The following ATXN7L1 variants were observed in gnomAD, a reference collection of about 807,000 sequenced individuals.
ATXN7L1 encodes the protein ataxin-7-like protein 1.
In ATXN7L1, 15 loss-of-function variants were observed where a neutral mutation model predicts 70.8. The observed-to-expected ratio is 0.21, with a 90% CI of 0.14 to 0.33. The LOEUF (loss-of-function observed/expected upper bound fraction) is 0.33, where lower values mean the gene tolerates loss of function less well. Among genes scored for constraint, ATXN7L1 ranks in the 10% least tolerant of loss-of-function variants. ATXN7L1 has a pLI of 1.00. For missense variants in ATXN7L1, 975 were observed against 1,097.1 expected, an observed-to-expected ratio of 0.89 and a Z score of 1.57; for synonymous variants, 440 against 445.1, an observed-to-expected ratio of 0.99 and a Z score of 0.14.
chr7:105,606,602 C>T lies in ATXN7L1; in HGVS notation c.*1250G>A, dbSNP rs1792774567. 1 of 152,152 alleles carries T rather than the reference C, an allele frequency of 6.6e-6. No homozygotes were observed. Among genetic ancestry groups the T allele is most frequent in the Non-Finnish European group, 1.5e-5 (1 of 68,040 alleles). 9.4% of individuals were successfully genotyped at this position (152,152 alleles called of 1,614,324 possible). On this transcript the variant is annotated 3_prime_UTR_variant, in exon 12 of 12. Transcript: ENST00000419735. ...TGGTATTGCTGTTTCTTTTAAAACTCCAGTGTGAATAGTTCTATGGCTGCA... is the reference window on the plus strand; with the variant it reads ...TGGTATTGCTGTTTCTTTTAAAACTTCAGTGTGAATAGTTCTATGGCTGCA...
intron 2 of ATXN7L1, among the ~76,000 whole-genome samples, chr7:105,863,338 C>G (rs554149501): frequency 6.6e-6 from 1 of 152,232 alleles, no homozygotes; most frequent in African/African-American, 2.4e-5. Flanking sequence ...TGGGGAGACC[C>G]AGGGCCCTAT....
chr7:105,757,892 T>TTTTGAAAGA (rs1293041979), intron 3 of ATXN7L1, among the ~76,000 whole-genome samples: 1 of 152,032 alleles, frequency 6.6e-6, no homozygotes, highest in Non-Finnish European at 1.5e-5. Flanking sequence ...GCCTGGCTCT[T>TTTTGAAAGA]TTTGAAAGAT....
intron 4 of ATXN7L1, among the ~76,000 whole-genome samples, chr7:105,650,532 G>A (rs1307888810): frequency 6.6e-6 from 1 of 152,192 alleles, no homozygotes; most frequent in Non-Finnish European, 1.5e-5. Flanking sequence ...CAGTAAACTG[G>A]GGAAATGTGG....
At chr7:105,717,720 T>C (rs1361970392) in intron 3 of ATXN7L1, among the ~76,000 whole-genome samples, 1 of 152,206 alleles carries the variant, frequency 6.6e-6, no homozygotes, top group African/African-American at 2.4e-5. Context: ...CACTGGGTAT[T>C]ACAGTAATTT....
At chr7:105,691,391 A>C (rs1474279167) in intron 3 of ATXN7L1, among the ~76,000 whole-genome samples, 2 of 152,172 alleles carry the variant, frequency 1.3e-5, no homozygotes, top group Non-Finnish European at 2.9e-5. Flanking sequence ...TCTGCTGCAC[A>C]TACACCGCCG....
rs990183793 is a variant in ATXN7L1 at position 105,624,131 on chromosome 7, C to T, written c.1339G>A (p.Asp447Asn). The T allele has an allele frequency of 1.4e-5, 22 of 1,526,374 alleles. No homozygotes were observed. The East Asian group carries it at 1.8e-4, about 12-fold the overall frequency. The allele number at this position is 1,526,374 out of a possible 1,614,324, so 94.6% of individuals were successfully genotyped here. A position where few individuals can be genotyped will look rare whatever the true frequency, so the allele number is the denominator to read the frequency against. Reference protein sequence around the residue: ...SSDEGEMDGADESEKLDCQFS... With the variant: ...SSDEGEMDGANESEKLDCQFS... ...TGACAGTCTAGCTTCTCGGATTCGT[C>T]GGCTCCGTCCATCTCCCCTTCATCA... Residue 447 changes from aspartate to asparagine, a missense_variant, in exon 8 of 12, where the codon GAC becomes AAC. Asp to Asn is a conservative substitution (Grantham distance 23, BLOSUM62 1). This residue lies in a region of ATXN7L1 where 635 missense variants were observed against 699.4 expected (regional missense o/e 0.91). Transcript: ENST00000419735.
chr7:105,817,312 C>T (rs564698041), intron 2 of ATXN7L1, among the ~76,000 whole-genome samples: 1 of 152,156 alleles, frequency 6.6e-6, no homozygotes, highest in South Asian at 2.1e-4. Context: ...TGGAAGCCTA[C>T]TGCTCAGTGT....
At chr7:105,685,084 A>G (rs1409749993) in intron 3 of ATXN7L1, among the ~76,000 whole-genome samples, 1 of 143,902 alleles carries the variant, frequency 6.9e-6, no homozygotes, top group African/African-American at 2.5e-5. Context: ...AATAATAATA[A>G]TAAATGGTTT....
At chr7:105,860,545 C>T (rs1816477334) in intron 2 of ATXN7L1, among the ~76,000 whole-genome samples, 1 of 152,086 alleles carries the variant, frequency 6.6e-6, no homozygotes. Flanking sequence ...ATCAAAAAAC[C>T]TCATAGGCCA....
At chr7:105,698,414 G>C (rs899841716) in intron 3 of ATXN7L1, among the ~76,000 whole-genome samples, 1 of 152,170 alleles carries the variant, frequency 6.6e-6, no homozygotes, top group Non-Finnish European at 1.5e-5. Context: ...ACCCAGGCTA[G>C]AGTGCTGTGG....
At chr7:105,839,575 G>C (rs1812901486) in intron 2 of ATXN7L1, among the ~76,000 whole-genome samples, 1 of 152,218 alleles carries the variant, frequency 6.6e-6, no homozygotes, top group African/African-American at 2.4e-5. Flanking sequence ...GATGAGATGA[G>C]TCTTCTCCCT....
intron 2 of ATXN7L1, among the ~76,000 whole-genome samples, chr7:105,827,778 T>G (rs1351728255): frequency 6.6e-6 from 1 of 152,190 alleles, no homozygotes; most frequent in Non-Finnish European, 1.5e-5. Flanking sequence ...GCTCTTGGGC[T>G]TAGTGGTTTT....
rs185088111 is a variant in ATXN7L1 at position 105,655,436 on chromosome 7, G to C, written c.578+9630C>G. On this transcript the variant is annotated intron_variant, in intron 4 of 11. Coordinates refer to ENST00000419735, the MANE Select transcript of ATXN7L1 (RefSeq NM_020725.2). ...GGCAGAACGGGCTCACATCACTCTG[G>C]GGGGGTGTGTGGGGTGGACAGGAGG... 4.3e-3 allele frequency among the ~76,000 whole-genome samples: 651 copies of C among 152,304 alleles called. 2 individuals carry two copies. Among genetic ancestry groups the C allele is most frequent in the Non-Finnish European group, 6.5e-3 (440 of 68,032 alleles).
At chr7:105,801,249 CT>C (rs1404615084) in intron 2 of ATXN7L1, among the ~76,000 whole-genome samples, 1 of 152,200 alleles carries the variant, frequency 6.6e-6, no homozygotes, top group Non-Finnish European at 1.5e-5. Flanking sequence ...AATAAAATCA[CT>C]GTTAAAAGTC....
At chr7:105,610,640 A>G in intron 10 of ATXN7L1, 37 bp from the exon 11 acceptor site, 1 of 1,534,310 alleles carries the variant, frequency 6.5e-7, no homozygotes, top group Non-Finnish European at 8.8e-7. Context: ...CAGACACACG[A>G]GCCAGCCTGG....
At chr7:105,876,215 T>C (rs1389338987) in intron 1 of ATXN7L1, among the ~76,000 whole-genome samples, 163 bp downstream of exon 1, 2 of 151,984 alleles carry the variant, frequency 1.3e-5, no homozygotes. Context: ...TCCCTGTGCA[T>C]TGATGATCTG....
chr7:105,826,184 T>C (rs180830671), intron 2 of ATXN7L1, among the ~76,000 whole-genome samples: 1 of 152,230 alleles, frequency 6.6e-6, no homozygotes, highest in Non-Finnish European at 1.5e-5. Flanking sequence ...AAGTTTTTAG[T>C]ACAACTTGGC....
At chr7:105,616,021 C>T (rs1030185346) in intron 9 of ATXN7L1, among the ~76,000 whole-genome samples, 3 of 152,242 alleles carry the variant, frequency 2.0e-5, no homozygotes, top group South Asian at 2.1e-4. Flanking sequence ...CAGGAAAGCA[C>T]ATGGCCCTCG....
At chr7:105,647,616 C>T (rs1201943475) in intron 4 of ATXN7L1, among the ~76,000 whole-genome samples, 3 of 152,234 alleles carry the variant, frequency 2.0e-5, no homozygotes, top group African/African-American at 7.2e-5. Flanking sequence ...CATTGCACTC[C>T]AGCTTGGCAA....
Sources: allele counts gnomAD v4.1 joint callset (sites outside exome capture counted in the v4.1 genomes callset), GRCh38; gene constraint gnomAD v4.1.1; regional missense constraint gnomAD v4.1.1; transcripts MANE v1.5; gene names NCBI Gene and HGNC (gene_info 2026-07-23, HGNC 2026-07-21).